The following ABHD15 variants were observed in gnomAD, a reference collection of about 807,000 sequenced individuals.
ABHD15 encodes the protein protein ABHD15.
In ABHD15, 34 loss-of-function variants were observed where a neutral mutation model predicts 34.4. That is an observed-to-expected ratio of 0.99 (90% CI 0.75 to 1.32). The LOEUF (loss-of-function observed/expected upper bound fraction) is 1.32, where lower values mean the gene tolerates loss of function less well. Ranked by LOEUF, ABHD15 falls within the 40% of genes most tolerant of loss-of-function variation. ABHD15 has a pLI of 0.00. For synonymous variants in ABHD15, 314 were observed against 299.2 expected, an observed-to-expected ratio of 1.05 and a Z score of -0.51; for missense variants, 644 against 650.4, an observed-to-expected ratio of 0.99 and a Z score of 0.11.
Position 29,562,698 on chromosome 17 carries a change from TCTC to T in ABHD15, c.1267_1269del (p.Glu423del). The T allele has an allele frequency of 6.2e-7, 1 of 1,614,020 alleles. No homozygotes were observed. Among genetic ancestry groups the T allele is most frequent in the African/African-American group, 1.3e-5 (1 of 74,996 alleles). Reference sequence around the variant, plus strand: ...CTGTGCCTGCTCAGCCCTTTAATCCTCTCCTCCGTTCGGAAGAACTCAGTCAAG... The same window carrying T: ...CTGTGCCTGCTCAGCCCTTTAATCCTCTCCGTTCGGAAGAACTCAGTCAAG... On this transcript the variant is annotated inframe_deletion, in exon 2 of 2. Transcript: ENST00000307201.
intron 1 of ABHD15, among the ~76,000 whole-genome samples, chr17:29,565,489 G>A (rs2032689537): frequency 6.6e-6 from 1 of 151,886 alleles, no homozygotes; most frequent in Non-Finnish European, 1.5e-5. Flanking sequence ...CACCACACCC[G>A]GCTAATTAAA....
Position 29,566,120 on chromosome 17 carries a change from C to T in ABHD15, c.847G>A (p.Gly283Ser). The change falls in exon 1 of 2, where the codon GGC becomes AGC. Residue 283 changes from glycine (G) to serine (S), a missense_variant. Transcript: ENST00000307201. ...GCGATCTTCTGGTGGAGCAGAAAGC[C>T]CCGCTCGTAGGGCCAGGGCAGGCCG... ...EAGLPWPYER[G>S]FLLHQKIALS... is the part of the protein sequence containing the mutation. 6.4e-7 allele frequency: 1 copy of T among 1,555,388 alleles called. No individual in the cohort carries two copies.
chr17:29,562,753 A>AT lies in ABHD15; in HGVS notation c.1214dup (p.His405GlnfsTer2). 1 of 1,613,954 alleles carries AT rather than the reference A, an allele frequency of 6.2e-7. No homozygotes were observed. The highest frequency in any genetic ancestry group is 8.5e-7 in the Non-Finnish European group (1 of 1,179,900). On this transcript the variant is annotated frameshift_variant, in exon 2 of 2. Transcript: ENST00000307201. LOFTEE classifies it high-confidence loss of function. The stretch of plus-strand genomic sequence containing the variant: ...CCCGGAAGGACTCCAAGATGACCTC[A>AT]TGGCTCCAGGCTGGCAAGGGCTCCT...
rs746001203 is a variant in ABHD15, at chr17:29,562,647, G to C, written c.1321C>G (p.Arg441Gly). 10 of 1,613,932 alleles carry C rather than the reference G, an allele frequency of 6.2e-6. No individual in the cohort carries two copies. In the Admixed American group the frequency reaches 1.3e-4, roughly 22 times the overall value. ...HRASFLGGRR[R>G]GGALQRREVS... ...TCCCGCCTCTGCAAGGCTCCCCCACGACGACGGCCCCCAAGGAAGGAAGCT... is the reference window on the plus strand; with the variant it reads ...TCCCGCCTCTGCAAGGCTCCCCCACCACGACGGCCCCCAAGGAAGGAAGCT... The change falls in exon 2 of 2, where the codon CGT becomes GGT. Residue 441 changes from arginine (R) to glycine (G), a missense_variant. Transcript: ENST00000307201.
rs1215366048 is a variant in ABHD15 at position 29,566,508 on chromosome 17, G to A, written c.459C>T (p.Ala153=). Residue 153 remains alanine (A), a synonymous_variant, in exon 1 of 2, where the codon GCC becomes GCT. Transcript: ENST00000307201. ...PCVRGRRITS[A]GGLPAVLLVI... is the part of the protein sequence containing the mutation. ...CCAGAAGCACCGCAGGAAGGCCCCC[G>A]GCGCTGGTGATCCGGCGGCCCCGAA... 2.5e-6 allele frequency: 4 copies of A among 1,611,326 alleles called. No individual in the cohort carries two copies. Among genetic ancestry groups the A allele is most frequent in the Admixed American group, 1.7e-5 (1 of 59,974 alleles).
Position 29,562,970 on chromosome 17 carries a change from T to C in ABHD15, c.998A>G (p.Asp333Gly), listed in dbSNP as rs974051668. The C allele has an allele frequency of 1.9e-6, 3 of 1,613,828 alleles. No homozygotes were observed. The highest frequency in any genetic ancestry group is 2.7e-5 in the African/African-American group (2 of 74,900). The change falls in exon 2 of 2, where the codon GAT becomes GGT. Residue 333 changes from aspartate to glycine, a missense_variant. Transcript: ENST00000307201. ...CGGGTCGTTGCGGTCCCAGTAGGTA[T>C]CCCAGCTGATGGGGAAGCTTTTGGT... Reference protein sequence around the residue: ...CHTKSFPISWDTYWDRNDPLR... With the variant: ...CHTKSFPISWGTYWDRNDPLR...
At chr17:29,563,155 G>A (rs1413854695) in intron 1 of ABHD15, 69 bp from the exon 2 acceptor site, 1 of 1,521,136 alleles carries the variant, frequency 6.6e-7, no homozygotes, top group Non-Finnish European at 8.8e-7. Context: ...GGTGACAGCA[G>A]ATGAGACAGA....
At position 29,560,628 on chromosome 17, in the gene ABHD15, G is replaced by A. The variant is rs1049644975; in HGVS notation, c.*1933C>T. The stretch of plus-strand genomic sequence containing the variant: ...GAGGAATATGGAGGAGGAGAAACAA[G>A]AAGTGGGGAGAAGGGAGATAATTTT... On this transcript the variant is annotated 3_prime_UTR_variant, in exon 2 of 2. Transcript: ENST00000307201. 6.6e-6 allele frequency: 1 copy of A among 152,092 alleles called. No homozygotes were observed. Among genetic ancestry groups the A allele is most frequent in the Non-Finnish European group, 1.5e-5 (1 of 68,038 alleles). The allele number at this position is 152,092 out of a possible 1,614,324, so 9.4% of individuals were successfully genotyped here.
At chr17:29,564,601 CCCAGCACTTTGGGAGG>C (rs1411250091) in intron 1 of ABHD15, among the ~76,000 whole-genome samples, 1 of 152,194 alleles carries the variant, frequency 6.6e-6, no homozygotes, top group Non-Finnish European at 1.5e-5. Context: ...CATCTATAAT[CCCAGCACTTTGGGAGG>C]CCAAGGCGGG....
rs1332974930 is a variant in ABHD15 at position 29,562,276 on chromosome 17, C to T, written c.*285G>A. On this transcript the variant is annotated 3_prime_UTR_variant, in exon 2 of 2. Transcript: ENST00000307201. ...GGATTGAAAAAGTGCTATCCTTTGG[C>T]TTGTGATGTCAGTGACAGGTGACAG... 3.1e-6 allele frequency: 1 copy of T among 323,712 alleles called. No homozygotes were observed. The highest frequency in any genetic ancestry group is 5.7e-6 in the Non-Finnish European group (1 of 175,726). 20.1% of individuals were successfully genotyped at this position (323,712 alleles called of 1,614,324 possible).
intron 1 of ABHD15, among the ~76,000 whole-genome samples, chr17:29,564,397 G>A (rs999258639): frequency 6.6e-6 from 1 of 152,166 alleles, no homozygotes; most frequent in Admixed American, 6.6e-5. Context: ...AATTTACTGG[G>A]TGGATTCCTA....
At chr17:29,563,304 T>C (rs936529692) in intron 1 of ABHD15, among the ~76,000 whole-genome samples, 13 of 151,472 alleles carry the variant, frequency 8.6e-5, no homozygotes, top group Admixed American at 8.6e-4. Context: ...CCAAACACTC[T>C]GGGAGGCCAA....
In ABHD15 at chr17:29,562,434, G is replaced by C; in HGVS notation, c.*127C>G. On this transcript the variant is annotated 3_prime_UTR_variant, in exon 2 of 2. Transcript: ENST00000307201. ...TCTCTTTCAAGGCACCAATTTAAGA[G>C]AGAGGGACTGAATGAGGAGCACAGA... is the stretch of plus-strand genomic sequence containing the variant. 2 of 1,079,322 alleles carry C rather than the reference G, an allele frequency of 1.9e-6. No homozygotes were observed. The highest frequency in any genetic ancestry group is 1.6e-5 in the South Asian group (1 of 61,430). 66.9% of individuals were successfully genotyped at this position (1,079,322 alleles called of 1,614,324 possible).
Position 29,566,621 on chromosome 17 carries a change from C to T in ABHD15, c.346G>A (p.Val116Ile). ...CGGGCCAGCTCAGGCCCAGGCGCTA[C>T]GGGCAGGACGAAGTGGCAGAGGGTC... ...LQTLCHFVLP[V>I]APGPELAREY... The change falls in exon 1 of 2, where the codon GTA becomes ATA. Residue 116 changes from valine to isoleucine, a missense_variant. Physicochemically the swap from Val to Ile is conservative, Grantham distance 29 (BLOSUM62 3). Transcript: ENST00000307201. The T allele has an allele frequency of 6.2e-7, 1 of 1,608,184 alleles. No homozygotes were observed.
chr17:29,566,069 C>A lies in ABHD15; in HGVS notation c.881+17G>T. Reference sequence around the variant, plus strand: ...CCTCTATTCTTTCCATGCTGGTCTGCGGCCTCCGTTACCCACCTGCTGAGG... The same window carrying A: ...CCTCTATTCTTTCCATGCTGGTCTGAGGCCTCCGTTACCCACCTGCTGAGG... On this transcript the variant is annotated intron_variant, in intron 1 of 1. Transcript: ENST00000307201. The A allele has an allele frequency of 6.6e-7, 1 of 1,516,956 alleles. No individual in the cohort carries two copies. The highest frequency in any genetic ancestry group is 8.8e-7 in the Non-Finnish European group (1 of 1,133,526). The allele number at this position is 1,516,956 out of a possible 1,614,324, so 94.0% of individuals were successfully genotyped here.
chr17:29,562,858 C>CA lies in ABHD15; in HGVS notation c.1109dup (p.Thr371AspfsTer3). ...GGTTGCTGTGGAAGAGTTCAGTTGTCAGAGTGTGGTCTGGGGGTCCACACA... is the reference window on the plus strand; with the variant it reads ...GGTTGCTGTGGAAGAGTTCAGTTGTCAAGAGTGTGGTCTGGGGGTCCACACA... On this transcript the variant is annotated frameshift_variant, in exon 2 of 2. Transcript: ENST00000307201. LOFTEE classifies it high-confidence loss of function. 3 of 1,614,088 alleles carry CA rather than the reference C, an allele frequency of 1.9e-6. No homozygotes were observed. Among genetic ancestry groups the CA allele is most frequent in the Non-Finnish European group, 2.5e-6 (3 of 1,179,960 alleles).
At position 29,566,541 on chromosome 17, in the gene ABHD15, T is replaced by G; in HGVS notation, c.426A>C (p.Gly142=). Residue 142 remains glycine (G), a synonymous_variant, in exon 1 of 2, where the codon GGA becomes GGC. Coordinates refer to ENST00000307201, the MANE Select transcript of ABHD15 (RefSeq NM_198147.3). ...TGATCCGGCGGCCCCGAACACAAGG[T>G]CCTACCACCCAGTCCAGGGCCACTA... ...DGLVALDWVV[G]PCVRGRRITS... is the part of the protein sequence containing the mutation. 6.2e-7 allele frequency: 1 copy of G among 1,609,542 alleles called. No individual in the cohort carries two copies. Among genetic ancestry groups the G allele is most frequent in the Non-Finnish European group, 8.5e-7 (1 of 1,179,260 alleles).
rs1209056658 is a variant in ABHD15, at chr17:29,566,708, G to C, written c.259C>G (p.Leu87Val). Reference sequence around the variant, plus strand: ...GCCTCCAGCGCCTCTGAGCGCCGCAGGGCGCGCAGCAGGCACTGGGCCAGG... The same window carrying C: ...GCCTCCAGCGCCTCTGAGCGCCGCACGGCGCGCAGCAGGCACTGGGCCAGG... ...SALAQCLLRA[L>V]RRSEALEAGP... Residue 87 changes from leucine to valine, a missense_variant, in exon 1 of 2, where the codon CTG becomes GTG. Physicochemically the swap from Leu to Val is conservative, Grantham distance 32. Coordinates refer to ENST00000307201, the MANE Select transcript of ABHD15 (RefSeq NM_198147.3). 2 of 1,582,526 alleles carry C rather than the reference G, an allele frequency of 1.3e-6. No individual in the cohort carries two copies. The highest frequency in any genetic ancestry group is 3.5e-5 in the Admixed American group (2 of 56,886).
In ABHD15 at chr17:29,561,274, C is replaced by T. The variant is rs2032625063; in HGVS notation, c.*1287G>A. 1 of 152,152 alleles carries T rather than the reference C, an allele frequency of 6.6e-6. No homozygotes were observed. Among genetic ancestry groups the T allele is most frequent in the Non-Finnish European group, 1.5e-5 (1 of 68,022 alleles). 9.4% of individuals were successfully genotyped at this position (152,152 alleles called of 1,614,324 possible). A position where few individuals can be genotyped will look rare whatever the true frequency, so the allele number is the denominator to read the frequency against. On this transcript the variant is annotated 3_prime_UTR_variant, in exon 2 of 2. Coordinates refer to ENST00000307201, the MANE Select transcript of ABHD15 (RefSeq NM_198147.3). Reference sequence around the variant, plus strand: ...TCAGGGCAAAGTTTTTGAATCTTAGCAACACATGGAAACATATGTCCTGTT... The same window carrying T: ...TCAGGGCAAAGTTTTTGAATCTTAGTAACACATGGAAACATATGTCCTGTT...
Sources: allele counts gnomAD v4.1 joint callset (sites outside exome capture counted in the v4.1 genomes callset), GRCh38; gene constraint gnomAD v4.1.1; transcripts MANE v1.5; gene names NCBI Gene and HGNC (gene_info 2026-07-23, HGNC 2026-07-21).